Variants in TXLNB observed in about 807,000 individuals in gnomAD.
TXLNB encodes the protein beta-taxilin.
A neutral mutation model predicts 57.4 loss-of-function variants in TXLNB; 37 were observed. The observed-to-expected ratio is 0.64, with a 90% CI of 0.50 to 0.85. TXLNB has a LOEUF of 0.85. TXLNB is among the 40% of genes least tolerant of loss of function. The pLI is 0.00. For missense variants in TXLNB, 848 were observed against 825.6 expected, an observed-to-expected ratio of 1.03 and a Z score of -0.33; for synonymous variants, 302 against 309.6, an observed-to-expected ratio of 0.98 and a Z score of 0.26.
the TXLNB span, among the ~76,000 whole-genome samples, chr6:139,163,554 A>G: frequency 6.6e-6 from 1 of 151,986 alleles, no homozygotes; most frequent in Non-Finnish European, 1.5e-5. Flanking sequence ...GGGTTTCATC[A>G]TGTTGGCCAG....
In TXLNB at chr6:139,284,098, C is replaced by A. The variant is rs6913005; in HGVS notation, c.424+4378G>T. ...TCGCCTAAAAATTTTCCTGTTCCTG[C>A]TCTTGCACTTACACTATATGACAAT... On this transcript the variant is annotated intron_variant, in intron 2 of 9. Coordinates refer to ENST00000358430, the MANE Select transcript of TXLNB (RefSeq NM_153235.4). 2.8e-5 allele frequency among the ~76,000 whole-genome samples: 4 copies of A among 144,996 alleles called. 1 individual carries two copies. The highest frequency in any genetic ancestry group is 4.0e-4 in the East Asian group (2 of 5,002).
chr6:139,256,673 A>G (rs1776351445), intron 6 of TXLNB, among the ~76,000 whole-genome samples: 1 of 152,166 alleles, frequency 6.6e-6, no homozygotes, highest in Non-Finnish European at 1.5e-5. Flanking sequence ...CTCCTAGACC[A>G]CTGTTCTCCA....
At chr6:139,248,231 C>A (rs1340825866) in intron 7 of TXLNB, among the ~76,000 whole-genome samples, 1 of 151,462 alleles carries the variant, frequency 6.6e-6, no homozygotes, top group Non-Finnish European at 1.5e-5. Flanking sequence ...CGAGATCGTG[C>A]CACTGTACTC....
the TXLNB span, among the ~76,000 whole-genome samples, chr6:139,173,814 T>A: frequency 6.6e-6 from 1 of 152,192 alleles, no homozygotes; most frequent in Admixed American, 6.5e-5. Flanking sequence ...TTTTAAAAAA[T>A]TACGAGTAAG....
At chr6:139,218,766 C>T in the TXLNB span, among the ~76,000 whole-genome samples, 1 of 151,966 alleles carries the variant, frequency 6.6e-6, no homozygotes, top group East Asian at 1.9e-4. Flanking sequence ...AAAAAGATTC[C>T]ATAATATTAT....
the TXLNB span, chr6:139,166,010 T>C: frequency 2.3e-5 from 8 of 341,066 alleles, no homozygotes; most frequent in Admixed American, 9.2e-5. Context: ...AGACCGTCTA[T>C]GTTCCAGCGG....
chr6:139,317,233 AG>A, the TXLNB span, among the ~76,000 whole-genome samples: 1 of 152,176 alleles, frequency 6.6e-6, no homozygotes, highest in Admixed American at 6.5e-5. Flanking sequence ...AGAAAAAAAA[AG>A]TCATCTCTAA....
chr6:139,166,895 G>A, the TXLNB span: 4 of 1,613,940 alleles, frequency 2.5e-6, no homozygotes, highest in Admixed American at 3.3e-5. Flanking sequence ...CAGATACCTC[G>A]GGGAGTTCTT....
At chr6:139,284,112 C>G (rs1777117953) in intron 2 of TXLNB, among the ~76,000 whole-genome samples, 1 of 145,922 alleles carries the variant, frequency 6.9e-6, no homozygotes, top group South Asian at 2.3e-4. Flanking sequence ...TGCACTTACA[C>G]TATATGACAA....
the TXLNB span, among the ~76,000 whole-genome samples, chr6:139,202,642 G>A: frequency 4.6e-5 from 7 of 152,238 alleles, no homozygotes; most frequent in East Asian, 1.2e-3. Flanking sequence ...TGTATACAAT[G>A]TATAATCATC....
intron 1 of TXLNB, among the ~76,000 whole-genome samples, chr6:139,289,869 A>G (rs1562291669): frequency 6.6e-6 from 1 of 152,230 alleles, no homozygotes; most frequent in Non-Finnish European, 1.5e-5. Flanking sequence ...AACTCATAAG[A>G]ATAACATCTC....
chr6:139,238,148 C>G (rs1775856723), downstream of TXLNB, among the ~76,000 whole-genome samples: 1 of 152,102 alleles, frequency 6.6e-6, no homozygotes. Flanking sequence ...AATCCCAGCA[C>G]TTTGGGAGGC....
intron 7 of TXLNB, among the ~76,000 whole-genome samples, chr6:139,248,631 G>A (rs1339264428): frequency 1.3e-5 from 2 of 152,196 alleles, no homozygotes; most frequent in African/African-American, 4.8e-5. Flanking sequence ...TGCATTTGAG[G>A]GACCTGCACT....
Position 139,265,418 on chromosome 6 carries a change from G to A in TXLNB, c.688-2645C>T, listed in dbSNP as rs139992250. ...CCTTTCTTAAGTTATCCTAAATTGT[G>A]AGGTTGTATGTGTGTGTGTGTGTGT... On this transcript the variant is annotated intron_variant, in intron 4 of 9. Coordinates refer to ENST00000358430, the MANE Select transcript of TXLNB (RefSeq NM_153235.4). Among the ~76,000 whole-genome samples, 535 of 151,862 alleles carry A rather than the reference G, an allele frequency of 3.5e-3. 2 individuals carry two copies. The highest frequency in any genetic ancestry group is 0.012 in the African/African-American group (511 of 41,220).
At chr6:139,164,082 T>A in the TXLNB span, among the ~76,000 whole-genome samples, 293 of 141,300 alleles carry the variant, frequency 2.1e-3, 1 homozygote, top group Middle Eastern at 3.5e-3. Flanking sequence ...ACACACACAC[T>A]CTCTCTCTCT....
the TXLNB span, among the ~76,000 whole-genome samples, chr6:139,319,426 C>T: frequency 2.7e-5 from 4 of 150,698 alleles, no homozygotes; most frequent in Admixed American, 6.6e-5. Flanking sequence ...TTTTTTGAGA[C>T]AGGGTCTCAT....
the TXLNB span, among the ~76,000 whole-genome samples, chr6:139,211,676 C>T: frequency 1.3e-5 from 2 of 151,918 alleles, no homozygotes; most frequent in Admixed American, 6.6e-5. Flanking sequence ...AAGATCAAAC[C>T]ACTCCAAGCT....
the TXLNB span, among the ~76,000 whole-genome samples, chr6:139,206,999 T>A: frequency 1.3e-5 from 2 of 152,038 alleles, no homozygotes; most frequent in African/African-American, 2.4e-5. Context: ...CTACGAGACC[T>A]AAGAAATGAG....
At chr6:139,166,646 G>A in the TXLNB span, 1 of 1,614,066 alleles carries the variant, frequency 6.2e-7, no homozygotes, top group Non-Finnish European at 8.5e-7. Flanking sequence ...GAAGAACACA[G>A]GGAGGCCTCC....
Sources: gnomAD v4.1 joint callset for allele counts (sites outside exome capture counted in the v4.1 genomes callset) on GRCh38, gnomAD v4.1.1 for gene constraint, MANE v1.5 for transcripts, NCBI Gene and HGNC (gene_info 2026-07-23, HGNC 2026-07-21) for gene names.